RAPGEF2: variants seen among roughly 807,000 people sequenced by gnomAD.
The protein encoded by RAPGEF2 is PDZ domain containing guanine nucleotide exchange factor (GEF) 1.
In RAPGEF2, 54 loss-of-function variants were observed where a neutral mutation model predicts 186.7. That is an observed-to-expected ratio of 0.29 (90% CI 0.23 to 0.36). The LOEUF (loss-of-function observed/expected upper bound fraction) is 0.36. Ranked by LOEUF, RAPGEF2 falls within the 10% of genes least tolerant of loss-of-function variation. RAPGEF2 has a pLI of 1.00. For missense variants in RAPGEF2, 1,532 were observed against 2,045.0 expected (o/e 0.75, Z 4.84); for synonymous variants, 712 against 705.9 (o/e 1.01, Z -0.14).
intron 1 of RAPGEF2, among the ~76,000 whole-genome samples, chr4:159,117,128 TAAAAACTTGTGAGTTTA>T (rs1739136226): frequency 6.6e-6 from 1 of 152,240 alleles, no homozygotes; most frequent in African/African-American, 2.4e-5. Flanking sequence ...AAATGAGTTT[TAAAAACTTGTGAGTTTA>T]AAAAACTTGA....
intron 8 of RAPGEF2, among the ~76,000 whole-genome samples, chr4:159,307,365 A>G (rs1371598236): frequency 2.6e-5 from 4 of 152,194 alleles, no homozygotes; most frequent in Non-Finnish European, 4.4e-5. Context: ...TACTAGTTAT[A>G]TACTTTTCTC....
At chr4:159,111,033 C>T (rs1195804152) in intron 1 of RAPGEF2, among the ~76,000 whole-genome samples, 1 of 151,322 alleles carries the variant, frequency 6.6e-6, no homozygotes, top group Non-Finnish European at 1.5e-5. Context: ...AAAAAAAAAC[C>T]ACCCTTGTTT....
At chr4:159,308,002 C>T (rs1281386527) in intron 8 of RAPGEF2, among the ~76,000 whole-genome samples, 1 of 152,106 alleles carries the variant, frequency 6.6e-6, no homozygotes, top group African/African-American at 2.4e-5. Context: ...TTTGTATAAT[C>T]GATTGAGGCA....
chr4:159,304,617 G>A (rs571248618), intron 8 of RAPGEF2, 144 bp downstream of exon 8: 45 of 746,828 alleles, frequency 6.0e-5, no homozygotes, highest in Non-Finnish European at 7.5e-5. Flanking sequence ...TGTTTATTTC[G>A]TATATGTTAT....
intron 1 of RAPGEF2, among the ~76,000 whole-genome samples, chr4:159,110,032 A>G (rs1388863931): frequency 6.6e-6 from 1 of 152,236 alleles, no homozygotes; most frequent in African/African-American, 2.4e-5. Context: ...TTGCAGGAGT[A>G]GAATCTGCTG....
intron 1 of RAPGEF2, among the ~76,000 whole-genome samples, chr4:159,184,415 C>T (rs1747346999): frequency 1.3e-5 from 2 of 152,180 alleles, no homozygotes; most frequent in African/African-American, 2.4e-5. Context: ...TGTTTCCTGA[C>T]TTTTTAATGA....
At chr4:159,197,403 A>G (rs549979412) in intron 3 of RAPGEF2, among the ~76,000 whole-genome samples, 1 of 148,154 alleles carries the variant, frequency 6.7e-6, no homozygotes, top group African/African-American at 2.6e-5. Flanking sequence ...CAGAAATTCA[A>G]CCATTGCAAA....
chr4:159,167,250 T>G (rs959310509), intron 1 of RAPGEF2, among the ~76,000 whole-genome samples: 5 of 152,324 alleles, frequency 3.3e-5, no homozygotes, highest in Admixed American at 2.6e-4. Flanking sequence ...AATCTAAACA[T>G]GTGGCCAGTT....
intron 4 of RAPGEF2, among the ~76,000 whole-genome samples, chr4:159,214,945 C>T (rs1750860812): frequency 6.6e-6 from 1 of 152,220 alleles, no homozygotes; most frequent in African/African-American, 2.4e-5. Context: ...TCACTGCAGC[C>T]TCCGCCTTCC....
intron 26 of RAPGEF2, among the ~76,000 whole-genome samples, chr4:159,352,162 C>T (rs1458870894): frequency 6.6e-6 from 1 of 152,112 alleles, no homozygotes; most frequent in Admixed American, 6.5e-5. Flanking sequence ...AACCAAATGG[C>T]AAAAATTCAA....
At chr4:159,329,665 CT>C in intron 11 of RAPGEF2, 192 bp from the exon 12 acceptor site, 1 of 375,172 alleles carries the variant, frequency 2.7e-6, no homozygotes, top group Non-Finnish European at 4.7e-6. Flanking sequence ...AAAAATGAAA[CT>C]TTTCTTGACC....
chr4:159,137,093 A>C (rs766929807), intron 1 of RAPGEF2, among the ~76,000 whole-genome samples: 24 of 152,162 alleles, frequency 1.6e-4, no homozygotes, highest in Non-Finnish European at 2.5e-4. Context: ...TGGGCCTATA[A>C]ATTCATTTGA....
At chr4:159,316,265 G>A (rs1196546787) in intron 9 of RAPGEF2, among the ~76,000 whole-genome samples, 1 of 151,732 alleles carries the variant, frequency 6.6e-6, no homozygotes, top group Non-Finnish European at 1.5e-5. Context: ...TTATAATATT[G>A]GAATAAAGAG....
chr4:159,340,523 T>C (rs746606858), intron 19 of RAPGEF2, among the ~76,000 whole-genome samples: 1 of 152,184 alleles, frequency 6.6e-6, no homozygotes, highest in African/African-American at 2.4e-5. Context: ...TTTTCTGTTA[T>C]ATGTGTTTGC....
intron 18 of RAPGEF2, 119 bp downstream of exon 18, chr4:159,338,587 G>A: frequency 9.3e-7 from 1 of 1,073,148 alleles, no homozygotes; most frequent in Non-Finnish European, 1.3e-6. Flanking sequence ...GCTGAGTAAG[G>A]ATGAAACTTA....
At chr4:159,143,071 G>C (rs1742518015) in intron 1 of RAPGEF2, among the ~76,000 whole-genome samples, 1 of 152,088 alleles carries the variant, frequency 6.6e-6, no homozygotes, top group South Asian at 2.1e-4. Flanking sequence ...GTAATTTTAA[G>C]GATTAAGAAG....
intron 8 of RAPGEF2, among the ~76,000 whole-genome samples, chr4:159,313,858 T>A (rs1764236932): frequency 6.6e-6 from 1 of 152,050 alleles, no homozygotes; most frequent in African/African-American, 2.4e-5. Flanking sequence ...GGCTACATGG[T>A]GACCTAGAAA....
chr4:159,196,675 AC>A (rs1405969679), intron 3 of RAPGEF2, among the ~76,000 whole-genome samples: 4 of 152,256 alleles, frequency 2.6e-5, no homozygotes, highest in African/African-American at 9.6e-5. Flanking sequence ...CAGAATAAGT[AC>A]ATAAGCACGT....
chr4:159,104,489 C>CGAGAGAGAGAGAGA lies in RAPGEF2; in HGVS notation c.69+282_69+295dup, dbSNP rs553251268. Among the ~76,000 whole-genome samples, 189 of 88,778 alleles carry CGAGAGAGAGAGAGA rather than the reference C, an allele frequency of 2.1e-3. 3 individuals carry two copies. Among genetic ancestry groups the CGAGAGAGAGAGAGA allele is most frequent in the South Asian group, 6.9e-3 (15 of 2,170 alleles). The allele number at this position is 88,778 out of a possible 152,430, so 58.2% of individuals were successfully genotyped here. A position where few individuals can be genotyped will look rare whatever the true frequency, so the allele number is the denominator to read the frequency against. ...GACCTTTCCCACTATGTTGCCCAGC[C>CGAGAGAGAGAGAGA]GAGAGAGAGAGAGAGAGAGAGAGAG... On this transcript the variant is annotated intron_variant, in intron 1 of 29. Transcript: ENST00000691494.
Sources: allele counts gnomAD v4.1 joint callset (sites outside exome capture counted in the v4.1 genomes callset), GRCh38; gene constraint gnomAD v4.1.1; transcripts MANE v1.5; gene names NCBI Gene and HGNC (gene_info 2026-07-23, HGNC 2026-07-21).